RHOA: variants seen among roughly 807,000 people sequenced by gnomAD.
RHOA encodes transforming protein RhoA.
Under a neutral mutation model 17.5 loss-of-function variants are expected in RHOA, and 3 were observed. The observed-to-expected ratio is 0.17, with a 90% CI of 0.08 to 0.44. The LOEUF is 0.44. Ranked by LOEUF, RHOA falls within the 20% of genes least tolerant of loss-of-function variation. RHOA has a pLI of 0.99. For synonymous variants in RHOA, 98 were observed against 88.4 expected (o/e 1.11, Z -0.61); for missense variants, 56 against 242.3 (o/e 0.23, Z 5.10).
intron 2 of RHOA, among the ~76,000 whole-genome samples, chr3:49,374,836 C>A (rs1483716973): frequency 1.3e-5 from 2 of 152,132 alleles, no homozygotes; most frequent in Admixed American, 1.3e-4. Flanking sequence ...AACAGCCAAT[C>A]ACCTGCGGTC....
chr3:49,362,065 T>TA (rs2047981566), intron 4 of RHOA, among the ~76,000 whole-genome samples: 1 of 151,020 alleles, frequency 6.6e-6, no homozygotes, highest in South Asian at 2.1e-4. Context: ...AGGGTGCCTG[T>TA]AGTCCCAGCT....
chr3:49,396,756 G>A, intron 1 of RHOA, among the ~76,000 whole-genome samples: 1 of 152,026 alleles, frequency 6.6e-6, no homozygotes, highest in East Asian at 1.9e-4. Flanking sequence ...GGAGGCTGAG[G>A]TGGGAGAACT....
At chr3:49,399,174 CCTG>C (rs1201151254) in intron 1 of RHOA, among the ~76,000 whole-genome samples, 2 of 151,240 alleles carry the variant, frequency 1.3e-5, no homozygotes, top group Non-Finnish European at 2.9e-5. Context: ...TCAAGACCAC[CCTG>C]GCTGACACAG....
intron 1 of RHOA, among the ~76,000 whole-genome samples, chr3:49,407,968 T>C (rs997368437): frequency 2.6e-5 from 4 of 152,132 alleles, no homozygotes; most frequent in Admixed American, 6.6e-5. Context: ...GAGAACAGCC[T>C]GACCAACATG....
intron 1 of RHOA, among the ~76,000 whole-genome samples, chr3:49,381,369 C>G (rs1421528734): frequency 2.0e-5 from 3 of 149,366 alleles, no homozygotes; most frequent in Non-Finnish European, 4.4e-5. Context: ...CTCGCCATTG[C>G]ATTCCAGCCT....
intron 2 of RHOA, among the ~76,000 whole-genome samples, chr3:49,372,365 T>C (rs1480402579): frequency 6.6e-6 from 1 of 152,192 alleles, no homozygotes; most frequent in Non-Finnish European, 1.5e-5. Flanking sequence ...TTTCCATCTA[T>C]ACTTGGGCCA....
chr3:49,377,314 C>T (rs1046165108), intron 1 of RHOA, among the ~76,000 whole-genome samples: 14 of 147,204 alleles, frequency 9.5e-5, no homozygotes, highest in Non-Finnish European at 1.7e-4. Flanking sequence ...AGAAAAGGGC[C>T]GGGCGCAGTG....
intron 1 of RHOA, among the ~76,000 whole-genome samples, chr3:49,403,116 C>A (rs549961898): frequency 1.5e-4 from 22 of 151,336 alleles, no homozygotes; most frequent in Admixed American, 4.6e-4. Context: ...CAGAGGCAGG[C>A]GGATCACAAG....
chr3:49,402,593 G>T (rs1421421160), intron 1 of RHOA, among the ~76,000 whole-genome samples: 2 of 152,000 alleles, frequency 1.3e-5, no homozygotes, highest in African/African-American at 4.8e-5. Context: ...AGTATTACTT[G>T]GGCACAAGAG....
intron 1 of RHOA, among the ~76,000 whole-genome samples, chr3:49,395,108 G>A (rs1050255906): frequency 5.9e-5 from 9 of 151,552 alleles, no homozygotes; most frequent in Non-Finnish European, 2.9e-5. Flanking sequence ...AAAAACAGCC[G>A]GGTGTGGTGG....
chr3:49,387,117 CAAAAAAAAAAAAAAAAAAAAAAAAA>C (rs56262356), intron 1 of RHOA, among the ~76,000 whole-genome samples: 18 of 24,642 alleles, frequency 7.3e-4, no homozygotes, highest in East Asian at 3.4e-3. Flanking sequence ...AACTCCGTCT[CAAAAAAAAAAAAAAAAAAAAAAAAA>C]AAAAAAAAAA....
At chr3:49,393,535 C>A (rs1022646961) in intron 1 of RHOA, among the ~76,000 whole-genome samples, 2 of 150,488 alleles carry the variant, frequency 1.3e-5, no homozygotes, top group Admixed American at 6.7e-5. Context: ...TGGGATCAAG[C>A]GATCTACCTG....
chr3:49,400,501 G>A (rs979778001), intron 1 of RHOA, among the ~76,000 whole-genome samples: 4 of 152,022 alleles, frequency 2.6e-5, no homozygotes, highest in Admixed American at 6.6e-5. Flanking sequence ...ACAGCACTTC[G>A]TCTTTCAGTG....
intron 2 of RHOA, among the ~76,000 whole-genome samples, chr3:49,369,239 G>A (rs2048111767): frequency 6.7e-6 from 1 of 149,516 alleles, no homozygotes; most frequent in African/African-American, 2.5e-5. Flanking sequence ...TAGCCAGGAT[G>A]GTCTTGATCT....
rs2048123230 is a variant in RHOA at position 49,369,830 on chromosome 3, G to A, written c.157-1282C>T. On this transcript the variant is annotated intron_variant, in intron 2 of 4. Transcript: ENST00000418115. ...CGCCTGTAATCCCAGCACTTTGGGAGGCCAAGGCGGGCGGATCACCTGAAG... is the reference window on the plus strand; with the variant it reads ...CGCCTGTAATCCCAGCACTTTGGGAAGCCAAGGCGGGCGGATCACCTGAAG... Among the ~76,000 whole-genome samples the A allele has an allele frequency of 3.3e-5, 5 of 152,310 alleles. No individual in the cohort carries two copies. The South Asian group carries it at 1.0e-3, about 32-fold the overall frequency.
intron 1 of RHOA, among the ~76,000 whole-genome samples, chr3:49,397,999 T>A (rs1303050935): frequency 6.6e-6 from 1 of 151,904 alleles, no homozygotes; most frequent in African/African-American, 2.4e-5. Context: ...GGTCCATGAG[T>A]TCAAAGAGAG....
chr3:49,383,759 G>A (rs1051781891), intron 1 of RHOA, among the ~76,000 whole-genome samples: 7 of 152,180 alleles, frequency 4.6e-5, no homozygotes, highest in African/African-American at 1.4e-4. Context: ...GCCAGGCACG[G>A]TGGCTCACGC....
intron 1 of RHOA, among the ~76,000 whole-genome samples, chr3:49,390,293 C>T (rs945466671): frequency 6.6e-6 from 1 of 152,088 alleles, no homozygotes; most frequent in Non-Finnish European, 1.5e-5. Context: ...CGCCACCACG[C>T]CCAGCTAATT....
intron 3 of RHOA, among the ~76,000 whole-genome samples, chr3:49,362,925 G>A (rs767679729): frequency 9.9e-5 from 15 of 152,182 alleles, no homozygotes; most frequent in Non-Finnish European, 2.2e-4. Flanking sequence ...TTTCACGGGG[G>A]GCACTTCCTG....
Sources: allele counts gnomAD v4.1 joint callset (sites outside exome capture counted in the v4.1 genomes callset), GRCh38; gene constraint gnomAD v4.1.1; transcripts MANE v1.5; gene names NCBI Gene and HGNC (gene_info 2026-07-23, HGNC 2026-07-21).